SPAG16: variants seen among roughly 807,000 people sequenced by gnomAD.
The protein encoded by SPAG16 is sperm-associated antigen 16 protein.
In SPAG16, 86 loss-of-function variants were observed where a neutral mutation model predicts 80.4. The ratio of observed to expected loss-of-function variants is 1.07; its 90% CI spans 0.90 to 1.28. The LOEUF (loss-of-function observed/expected upper bound fraction) is 1.28. Among genes scored for constraint, SPAG16 ranks in the 50% most tolerant of loss-of-function variants. The pLI is 0.00. For missense variants in SPAG16, 870 were observed against 765.3 expected (o/e 1.14, Z -1.61); for synonymous variants, 294 against 265.9 (o/e 1.11, Z -1.03).
chr2:214,219,330 AT>A (rs2058505743), intron 15 of SPAG16, among the ~76,000 whole-genome samples: 1 of 152,280 alleles, frequency 6.6e-6, no homozygotes, highest in Non-Finnish European at 1.5e-5. Flanking sequence ...AATGAGTAGT[AT>A]TTATAGAAAC....
intron 11 of SPAG16, among the ~76,000 whole-genome samples, chr2:213,891,289 C>T (rs901743740): frequency 2.9e-4 from 44 of 151,882 alleles, no homozygotes; most frequent in African/African-American, 1.0e-3. Context: ...GCTGTATAGT[C>T]CCAAATATCT....
intron 15 of SPAG16, among the ~76,000 whole-genome samples, chr2:214,208,080 A>G (rs1464097750): frequency 6.6e-6 from 1 of 152,158 alleles, no homozygotes; most frequent in East Asian, 1.9e-4. Context: ...CCTTCTGATC[A>G]TGTGCACCAA....
chr2:213,612,692 T>C (rs954013797), intron 10 of SPAG16, among the ~76,000 whole-genome samples: 1 of 152,182 alleles, frequency 6.6e-6, no homozygotes, highest in African/African-American at 2.4e-5. Context: ...AAAATAATTT[T>C]TTTTGAGACG....
rs1003358542 is a variant in SPAG16 at position 213,297,282 on chromosome 2, C to T, written c.204C>T (p.Ser68=). 6.2e-7 allele frequency: 1 copy of T among 1,611,806 alleles called. No individual in the cohort carries two copies. Among genetic ancestry groups the T allele is most frequent in the Non-Finnish European group, 8.5e-7 (1 of 1,178,476 alleles). The change falls in exon 3 of 16, where the codon AGC becomes AGT. Residue 68 remains serine (S), a synonymous_variant. Coordinates refer to ENST00000331683, the MANE Select transcript of SPAG16 (RefSeq NM_024532.5). ...TCTAGATACCAGATGACAATTTTAG[C>T]ATCCCAGAAGGTGAAGAAGATCTGG... The part of the protein sequence containing the change: ...EYEEIPDDNF[S]IPEGEEDLAK...
intron 12 of SPAG16, among the ~76,000 whole-genome samples, chr2:214,003,468 TGG>T (rs1387996001): frequency 6.6e-6 from 1 of 152,214 alleles, no homozygotes; most frequent in Non-Finnish European, 1.5e-5. Flanking sequence ...ACCAACTGTT[TGG>T]GATAAAATCC....
At chr2:213,986,905 A>C (rs1000457370) in intron 12 of SPAG16, among the ~76,000 whole-genome samples, 7 of 150,532 alleles carry the variant, frequency 4.7e-5, no homozygotes, top group African/African-American at 1.5e-4. Context: ...AAAAAAAAAA[A>C]AAAAAAAAAA....
intron 10 of SPAG16, among the ~76,000 whole-genome samples, chr2:213,668,459 T>G (rs1425827915): frequency 6.6e-6 from 1 of 152,116 alleles, no homozygotes; most frequent in African/African-American, 2.4e-5. Context: ...TGGAATGTCT[T>G]AATTAAAGCT....
chr2:214,115,183 T>G (rs2053871767), intron 14 of SPAG16, among the ~76,000 whole-genome samples: 1 of 152,212 alleles, frequency 6.6e-6, no homozygotes, highest in South Asian at 2.1e-4. Context: ...ATGTTTTATG[T>G]CACATACCTG....
Position 213,521,696 on chromosome 2 carries a change from C to G in SPAG16, c.1070+31606C>G, listed in dbSNP as rs554730519. Among the ~76,000 whole-genome samples the G allele has an allele frequency of 3.9e-5, 6 of 152,130 alleles. No individual in the cohort carries two copies. The South Asian group carries it at 1.2e-3, about 32-fold the overall frequency. On this transcript the variant is annotated intron_variant, in intron 10 of 15. Coordinates refer to ENST00000331683, the MANE Select transcript of SPAG16 (RefSeq NM_024532.5). ...GTCTGCAGAAGGCCAATGTCAATAT[C>G]AAAAAAACTCTTATTTTAGAAATGT...
At chr2:213,898,105 C>T (rs1414894162) in intron 11 of SPAG16, among the ~76,000 whole-genome samples, 1 of 151,964 alleles carries the variant, frequency 6.6e-6, no homozygotes, top group Non-Finnish European at 1.5e-5. Flanking sequence ...CTCATTTTTT[C>T]CTTTTATTGA....
intron 10 of SPAG16, among the ~76,000 whole-genome samples, chr2:213,715,571 T>C (rs2066207401): frequency 6.6e-6 from 1 of 152,162 alleles, no homozygotes; most frequent in African/African-American, 2.4e-5. Context: ...TATCAGTACC[T>C]TCCTCATGGT....
At chr2:214,118,856 T>G (rs1176944199) in intron 14 of SPAG16, among the ~76,000 whole-genome samples, 2 of 145,256 alleles carry the variant, frequency 1.4e-5, no homozygotes, top group Non-Finnish European at 3.1e-5. Context: ...GAAGTAAAAT[T>G]TCAAATCTTT....
In SPAG16 at chr2:214,198,723, T is replaced by C. The variant is rs564935235; in HGVS notation, c.1720+49457T>C. 3.3e-5 allele frequency among the ~76,000 whole-genome samples: 5 copies of C among 152,172 alleles called. No individual in the cohort carries two copies. In the East Asian group the frequency reaches 9.7e-4, roughly 29 times the overall value. Reference sequence around the variant, plus strand: ...TAGTTTACATTCCCACCAGCAACACTGCTGGTGGCAGTGTTCCATTTTTAC... The same window carrying C: ...TAGTTTACATTCCCACCAGCAACACCGCTGGTGGCAGTGTTCCATTTTTAC... On this transcript the variant is annotated intron_variant, in intron 15 of 15. Coordinates refer to ENST00000331683, the MANE Select transcript of SPAG16 (RefSeq NM_024532.5).
At chr2:213,920,921 C>A (rs543580003) in intron 11 of SPAG16, among the ~76,000 whole-genome samples, 1 of 152,202 alleles carries the variant, frequency 6.6e-6, no homozygotes, top group African/African-American at 2.4e-5. Context: ...CTCAAGTATC[C>A]GTCATAGTTT....
chr2:213,379,877 T>C (rs964474722), intron 9 of SPAG16, among the ~76,000 whole-genome samples: 1 of 152,128 alleles, frequency 6.6e-6, no homozygotes, highest in Non-Finnish European at 1.5e-5. Flanking sequence ...CATGGGCCCA[T>C]TGGTGATGAC....
chr2:214,235,322 T>A (rs13036201), intron 15 of SPAG16, among the ~76,000 whole-genome samples: 64,988 of 151,910 alleles, frequency 0.43, 15,710 homozygotes, highest in South Asian at 0.57. Flanking sequence ...ACTCAATGAT[T>A]TAAACATATT....
chr2:213,433,446 C>T (rs1179271738), intron 9 of SPAG16, among the ~76,000 whole-genome samples: 3 of 152,238 alleles, frequency 2.0e-5, no homozygotes, highest in Non-Finnish European at 2.9e-5. Flanking sequence ...TAGCATTTCT[C>T]TGCACCAGTA....
chr2:214,201,717 A>G (rs992069294), intron 15 of SPAG16, among the ~76,000 whole-genome samples: 7 of 152,236 alleles, frequency 4.6e-5, no homozygotes. Context: ...ATTCTGGAAT[A>G]GATTATATGA....
intron 15 of SPAG16, among the ~76,000 whole-genome samples, chr2:214,293,964 A>G (rs898557324): frequency 1.3e-5 from 2 of 152,250 alleles, no homozygotes; most frequent in Admixed American, 1.3e-4. Context: ...CCACAGCAGC[A>G]GCAGTGGATT....
Sources: gnomAD v4.1 joint callset for allele counts (sites outside exome capture counted in the v4.1 genomes callset) on GRCh38, gnomAD v4.1.1 for gene constraint, MANE v1.5 for transcripts, NCBI Gene and HGNC (gene_info 2026-07-23, HGNC 2026-07-21) for gene names.